SNTG1: variants seen among roughly 807,000 people sequenced by gnomAD.
SNTG1 encodes gamma-1-syntrophin.
In SNTG1, 39 loss-of-function variants were observed where a neutral mutation model predicts 74.7. That is an observed-to-expected ratio of 0.52 (90% CI 0.40 to 0.68). The LOEUF is 0.68. Ranked by LOEUF, SNTG1 falls within the 30% of genes least tolerant of loss-of-function variation. SNTG1 has a pLI of 0.00. For synonymous variants in SNTG1, 254 were observed against 217.1 expected (o/e 1.17, Z -1.49); for missense variants, 685 against 609.5 (o/e 1.12, Z -1.30).
intron 13 of SNTG1, among the ~76,000 whole-genome samples, chr8:50,616,058 A>C (rs2094883647): frequency 6.6e-6 from 1 of 152,220 alleles, no homozygotes. Context: ...TTTTGCTCTT[A>C]CAACCTTTAT....
chr8:50,364,172 T>C (rs1483064587), intron 2 of SNTG1, among the ~76,000 whole-genome samples: 1 of 152,144 alleles, frequency 6.6e-6, no homozygotes, highest in African/African-American at 2.4e-5. Context: ...GGTTGGGGAA[T>C]TGGGGTTGAA....
At chr8:50,422,319 C>A (rs1479337710) in intron 4 of SNTG1, among the ~76,000 whole-genome samples, 1 of 72,910 alleles carries the variant, frequency 1.4e-5, no homozygotes, top group Non-Finnish European at 3.4e-5. Context: ...ATTGATTGAC[C>A]AAGTAGACAA....
intron 1 of SNTG1, among the ~76,000 whole-genome samples, chr8:50,062,478 G>A (rs1191335368): frequency 2.0e-5 from 3 of 151,990 alleles, no homozygotes; most frequent in Admixed American, 6.6e-5. Flanking sequence ...CTGCTAAATT[G>A]ATGCTTTCAT....
intron 9 of SNTG1, among the ~76,000 whole-genome samples, chr8:50,527,622 ATAT>A (rs1318513362): frequency 2.0e-5 from 3 of 151,982 alleles, no homozygotes; most frequent in African/African-American, 7.2e-5. Context: ...AATGAAAATC[ATAT>A]TATTTATTAT....
chr8:50,112,515 C>CTTTTTTTTTTTTTTTTTTTT (rs34942560), intron 1 of SNTG1, among the ~76,000 whole-genome samples: 1 of 77,582 alleles, frequency 1.3e-5, no homozygotes, highest in African/African-American at 5.1e-5. Flanking sequence ...TTAGTTCTTT[C>CTTTTTTTTTTTTTTTTTTTT]TTTTTTTTTT....
intron 1 of SNTG1, among the ~76,000 whole-genome samples, chr8:50,166,977 A>G (rs893298820): frequency 6.8e-6 from 1 of 146,232 alleles, no homozygotes; most frequent in African/African-American, 2.7e-5. Flanking sequence ...TTGTAGGGAC[A>G]TGGATAAAAT....
intron 4 of SNTG1, among the ~76,000 whole-genome samples, chr8:50,416,231 C>A (rs1437492702): frequency 6.6e-6 from 1 of 152,132 alleles, no homozygotes; most frequent in Non-Finnish European, 1.5e-5. Flanking sequence ...TTTGTGGGAT[C>A]ATTTGCTCGC....
chr8:50,693,133 T>A (rs2095389593), intron 15 of SNTG1, among the ~76,000 whole-genome samples: 1 of 152,132 alleles, frequency 6.6e-6, no homozygotes, highest in Non-Finnish European at 1.5e-5. Context: ...AGTGACCCAA[T>A]TTTCCAGGTG....
At chr8:50,396,163 T>C (rs1249111595) in intron 3 of SNTG1, among the ~76,000 whole-genome samples, 2 of 152,226 alleles carry the variant, frequency 1.3e-5, no homozygotes, top group African/African-American at 4.8e-5. Flanking sequence ...TCTTGTAAAT[T>C]AGTAATCCTT....
intron 17 of SNTG1, among the ~76,000 whole-genome samples, chr8:50,743,350 A>T (rs2095547901): frequency 6.6e-6 from 1 of 152,002 alleles, no homozygotes; most frequent in Non-Finnish European, 1.5e-5. Context: ...GATTCAATAT[A>T]TGTAAATCAA....
At chr8:49,969,918 CTGTGTGTG>C (rs34129313) in intron 1 of SNTG1, among the ~76,000 whole-genome samples, 3 of 149,002 alleles carry the variant, frequency 2.0e-5, no homozygotes, top group Non-Finnish European at 3.0e-5. Context: ...AATAAAAAAC[CTGTGTGTG>C]TGTGTGTGTG....
chr8:50,362,976 G>C (rs1021652803), intron 2 of SNTG1, among the ~76,000 whole-genome samples: 1 of 152,064 alleles, frequency 6.6e-6, no homozygotes, highest in Non-Finnish European at 1.5e-5. Flanking sequence ...GGAAGAGAAA[G>C]GATGGAAAAT....
At chr8:49,958,969 A>G (rs1810436715) in intron 1 of SNTG1, among the ~76,000 whole-genome samples, 1 of 152,200 alleles carries the variant, frequency 6.6e-6, no homozygotes, top group Non-Finnish European at 1.5e-5. Flanking sequence ...TTTAAGCATA[A>G]AATTACATGC....
chr8:50,306,890 T>A (rs1361833181), intron 2 of SNTG1, among the ~76,000 whole-genome samples: 1 of 152,070 alleles, frequency 6.6e-6, no homozygotes, highest in Non-Finnish European at 1.5e-5. Context: ...TCTAATGTAA[T>A]GAAATCACAT....
At chr8:49,989,609 A>G (rs999200839) in intron 1 of SNTG1, among the ~76,000 whole-genome samples, 1 of 151,958 alleles carries the variant, frequency 6.6e-6, no homozygotes, top group Non-Finnish European at 1.5e-5. Context: ...TTATGAGGCG[A>G]GTGTTACCCT....
chr8:50,120,186 A>T (rs1223858227), intron 1 of SNTG1, among the ~76,000 whole-genome samples: 2 of 141,518 alleles, frequency 1.4e-5, no homozygotes, highest in African/African-American at 5.1e-5. Context: ...GAAACAATTA[A>T]TGAATTAATA....
At chr8:49,947,469 A>G (rs1809302419) in intron 1 of SNTG1, among the ~76,000 whole-genome samples, 1 of 152,226 alleles carries the variant, frequency 6.6e-6, no homozygotes, top group South Asian at 2.1e-4. Flanking sequence ...CAAAGCAACC[A>G]GAGGGCTTTT....
chr8:50,672,303 A>G (rs1280270678), intron 15 of SNTG1, among the ~76,000 whole-genome samples: 1 of 152,156 alleles, frequency 6.6e-6, no homozygotes, highest in Non-Finnish European at 1.5e-5. Context: ...TCTCACCAAC[A>G]GTGTAAAAGT....
chr8:50,456,771 TA>T (rs2131656950), intron 8 of SNTG1, among the ~76,000 whole-genome samples: 1 of 152,072 alleles, frequency 6.6e-6, no homozygotes, highest in South Asian at 2.1e-4. Flanking sequence ...ACCAATTACT[TA>T]GGAGGGCCCC....
Sources: allele counts gnomAD v4.1 joint callset (sites outside exome capture counted in the v4.1 genomes callset), GRCh38; gene constraint gnomAD v4.1.1; transcripts MANE v1.5; gene names NCBI Gene and HGNC (gene_info 2026-07-23, HGNC 2026-07-21).